DCK: variants seen among roughly 807,000 people sequenced by gnomAD.
DCK encodes the protein deoxycytidine kinase, also known as deoxyadenosine kinase.
Under a neutral mutation model 38.3 loss-of-function variants are expected in DCK, and 23 were observed. That is an observed-to-expected ratio of 0.60 (90% CI 0.43 to 0.85). DCK has a LOEUF of 0.85. DCK is among the 40% of genes least tolerant of loss of function. The probability of loss-of-function intolerance (pLI) is 0.00; values close to 1 mark genes in which losing one functional copy is unlikely to be tolerated. For synonymous variants in DCK, 108 were observed against 100.6 expected, an observed-to-expected ratio of 1.07 and a Z score of -0.44; for missense variants, 259 against 304.4, an observed-to-expected ratio of 0.85 and a Z score of 1.11.
At chr4:71,019,674 G>A (rs755663090) in intron 2 of DCK, among the ~76,000 whole-genome samples, 2 of 151,772 alleles carry the variant, frequency 1.3e-5, no homozygotes, top group Non-Finnish European at 2.9e-5. Flanking sequence ...CATCTTATCC[G>A]GTCTGTGTTC....
chr4:70,994,415 CT>C (rs1432877565), intron 1 of DCK, among the ~76,000 whole-genome samples: 3 of 152,232 alleles, frequency 2.0e-5, no homozygotes, highest in Non-Finnish European at 4.4e-5. Flanking sequence ...CTGGCACCCA[CT>C]GATTTGATTT....
chr4:71,014,050 T>C (rs539735371), intron 2 of DCK, among the ~76,000 whole-genome samples: 1 of 151,830 alleles, frequency 6.6e-6, no homozygotes, highest in East Asian at 1.9e-4. Context: ...ATACATAGGC[T>C]CAAAATAAAG....
At chr4:71,023,495 C>G in intron 3 of DCK, 64 bp from the exon 4 acceptor site, 2 of 1,110,462 alleles carry the variant, frequency 1.8e-6, no homozygotes, top group East Asian at 2.6e-5. Context: ...TTCCTGTTCT[C>G]TTTTTTATTT....
At chr4:71,025,762 A>G (rs1397097918) in intron 4 of DCK, 54 bp from the exon 5 acceptor site, 2 of 1,522,588 alleles carry the variant, frequency 1.3e-6, no homozygotes, top group African/African-American at 2.8e-5. Flanking sequence ...ATGGCAGCAG[A>G]CAAGAATAAT....
Position 70,998,173 on chromosome 4 carries a change from T to C in DCK, c.198T>C (p.Asp66=). The C allele has an allele frequency of 6.5e-7, 1 of 1,548,478 alleles. No individual in the cohort carries two copies. Among genetic ancestry groups the C allele is most frequent in the Non-Finnish European group, 8.9e-7 (1 of 1,127,784 alleles). The change falls in exon 2 of 7, where the codon GAT becomes GAC. Residue 66 remains aspartate (D), a synonymous_variant. Transcript: ENST00000286648. ...ARWCNVQSTQ[D]EFEELTMSQK... ...GGTGCAATGTTCAAAGTACTCAAGA[T>C]GAATTTGAGGTATGAAAATAAAATT...
At chr4:71,014,532 C>G (rs1408918550) in intron 2 of DCK, among the ~76,000 whole-genome samples, 3 of 152,192 alleles carry the variant, frequency 2.0e-5, no homozygotes, top group Non-Finnish European at 4.4e-5. Context: ...AAGCACTCTT[C>G]AGAAAATGTA....
chr4:71,011,135 G>T (rs1407613447), intron 2 of DCK, among the ~76,000 whole-genome samples: 1 of 151,118 alleles, frequency 6.6e-6, no homozygotes, highest in Non-Finnish European at 1.5e-5. Context: ...TAGAGATGGG[G>T]TTTCACCATG....
chr4:70,997,029 C>T (rs1477098162), intron 1 of DCK, among the ~76,000 whole-genome samples: 1 of 152,202 alleles, frequency 6.6e-6, no homozygotes, highest in Non-Finnish European at 1.5e-5. Context: ...ATTGGGAACT[C>T]TAGCTGTTAT....
intron 5 of DCK, 72 bp from the exon 6 acceptor site, chr4:71,026,593 A>G: frequency 2.5e-6 from 2 of 797,426 alleles, no homozygotes; most frequent in Non-Finnish European, 2.1e-6. Flanking sequence ...GGACATACGA[A>G]TGAATTTTTA....
At chr4:71,000,293 G>T (rs575058628) in intron 2 of DCK, among the ~76,000 whole-genome samples, 4 of 152,258 alleles carry the variant, frequency 2.6e-5, no homozygotes, top group Non-Finnish European at 5.9e-5. Flanking sequence ...TTTCCCCATT[G>T]CTTGTTTTTG....
chr4:71,029,535 C>A lies in DCK; in HGVS notation c.*157C>A. Reference sequence around the variant, plus strand: ...TTTTTAAAATGAATCTTATGCAAAACTTTTTGACCAGTTTCTTTTCTTTTG... The same window carrying A: ...TTTTTAAAATGAATCTTATGCAAAAATTTTTGACCAGTTTCTTTTCTTTTG... On this transcript the variant is annotated 3_prime_UTR_variant, in exon 7 of 7. Transcript: ENST00000286648. The A allele has an allele frequency of 1.6e-6, 1 of 606,904 alleles. No individual in the cohort carries two copies. The allele number at this position is 606,904 out of a possible 1,614,324, so 37.6% of individuals were successfully genotyped here.
At chr4:71,012,480 C>G (rs1227913949) in intron 2 of DCK, among the ~76,000 whole-genome samples, 1 of 152,216 alleles carries the variant, frequency 6.6e-6, no homozygotes, top group Non-Finnish European at 1.5e-5. Context: ...CAAGTGGGTC[C>G]CTGACCCCCG....
At chr4:70,998,660 A>G (rs1739714733) in intron 2 of DCK, among the ~76,000 whole-genome samples, 1 of 152,166 alleles carries the variant, frequency 6.6e-6, no homozygotes, top group Non-Finnish European at 1.5e-5. Context: ...TTGGTGGCTC[A>G]CGCTTGTAAT....
rs1739592605 is a variant in DCK at position 70,993,750 on chromosome 4, G to T, written c.-86G>T. 2 of 898,980 alleles carry T rather than the reference G, an allele frequency of 2.2e-6. No homozygotes were observed. Among genetic ancestry groups the T allele is most frequent in the Non-Finnish European group, 3.5e-6 (2 of 572,894 alleles). The allele number at this position is 898,980 out of a possible 1,614,324, so 55.7% of individuals were successfully genotyped here. A position where few individuals can be genotyped will look rare whatever the true frequency, so the allele number is the denominator to read the frequency against. ...CCGGCAGGTCAGGATCTGGCTTAGC[G>T]GCGCCGCGAGCTCCAGTGCGCGCAC... On this transcript the variant is annotated 5_prime_UTR_variant, in exon 1 of 7. Transcript: ENST00000286648.
chr4:71,009,348 G>C (rs1740030528), intron 2 of DCK, among the ~76,000 whole-genome samples: 1 of 152,166 alleles, frequency 6.6e-6, no homozygotes, highest in African/African-American at 2.4e-5. Context: ...TCGTATATAA[G>C]ACAAGACAAT....
Position 71,029,608 on chromosome 4 carries a change from A to G in DCK, c.*230A>G, listed in dbSNP as rs1436179484. ...TAAAGACAAAGACATTATTTCTCAT[A>G]GCAGGAAATGTAGAGGTAGATGGTT... On this transcript the variant is annotated 3_prime_UTR_variant, in exon 7 of 7. Coordinates refer to ENST00000286648, the MANE Select transcript of DCK (RefSeq NM_000788.3). The G allele has an allele frequency of 6.4e-6, 3 of 469,538 alleles. No homozygotes were observed. Among genetic ancestry groups the G allele is most frequent in the Non-Finnish European group, 1.1e-5 (3 of 264,810 alleles). 29.1% of individuals were successfully genotyped at this position (469,538 alleles called of 1,614,324 possible). A position where few individuals can be genotyped will look rare whatever the true frequency, so the allele number is the denominator to read the frequency against.
At chr4:71,006,210 T>C (rs1739938368) in intron 2 of DCK, 1 of 202,740 alleles carries the variant, frequency 4.9e-6, no homozygotes, top group Non-Finnish European at 8.7e-6. Flanking sequence ...TCAAGCCTTT[T>C]GTCATTTACT....
chr4:71,006,334 T>C, intron 2 of DCK: 1 of 940,476 alleles, frequency 1.1e-6, no homozygotes, highest in Non-Finnish European at 1.3e-6. Flanking sequence ...ATGACAGAGT[T>C]CAGTGTCATT....
chr4:71,008,614 A>G (rs10805074), intron 2 of DCK, among the ~76,000 whole-genome samples: 122,897 of 152,154 alleles, frequency 0.81, 54,291 homozygotes, highest in Non-Finnish European at 0.97. Flanking sequence ...ATCCTCAGGT[A>G]GTAGACAGAA....
Sources: gnomAD v4.1 joint callset for allele counts (sites outside exome capture counted in the v4.1 genomes callset) on GRCh38, gnomAD v4.1.1 for gene constraint, MANE v1.5 for transcripts, NCBI Gene and HGNC (gene_info 2026-07-23, HGNC 2026-07-21) for gene names.